Variants in NRG1 observed in about 807,000 individuals in gnomAD.
The protein encoded by NRG1 is pro-neuregulin-1, membrane-bound isoform.
A neutral mutation model predicts 63.8 loss-of-function variants in NRG1; 18 were observed. The ratio of observed to expected loss-of-function variants is 0.28; its 90% CI spans 0.19 to 0.42. The LOEUF is 0.42. NRG1 is among the 10% of genes least tolerant of loss of function. NRG1 has a pLI of 1.00. For missense variants in NRG1, 762 were observed against 814.7 expected (o/e 0.94, Z 0.79); for synonymous variants, 302 against 301.3 (o/e 1.00, Z -0.02).
At chr8:31,989,206 G>A (rs1206726958) in intron 1 of NRG1, among the ~76,000 whole-genome samples, 1 of 114,878 alleles carries the variant, frequency 8.7e-6, no homozygotes, top group African/African-American at 3.4e-5. Flanking sequence ...CGAGATTACT[G>A]TTGATTACTG....
intron 1 of NRG1, among the ~76,000 whole-genome samples, chr8:32,469,528 C>T (rs1486880953): frequency 1.3e-5 from 2 of 152,152 alleles, no homozygotes; most frequent in African/African-American, 4.8e-5. Context: ...CCAGTCACTA[C>T]CCCATCATCT....
At chr8:32,261,240 T>A (rs966084137) in intron 1 of NRG1, among the ~76,000 whole-genome samples, 2 of 152,132 alleles carry the variant, frequency 1.3e-5, no homozygotes, top group African/African-American at 4.8e-5. Flanking sequence ...TCATATTTCA[T>A]CAGTTTTTTC....
At chr8:32,288,669 C>G (rs139161955) in intron 1 of NRG1, among the ~76,000 whole-genome samples, 1 of 152,272 alleles carries the variant, frequency 6.6e-6, no homozygotes, top group Non-Finnish European at 1.5e-5. Context: ...ATACTGTCAC[C>G]ATCCTTGAGC....
At chr8:31,717,576 A>G (rs1812484270) in intron 1 of NRG1, among the ~76,000 whole-genome samples, 1 of 152,108 alleles carries the variant, frequency 6.6e-6, no homozygotes, top group Non-Finnish European at 1.5e-5. Context: ...TGGGACATGC[A>G]TTGTGTTTCT....
chr8:32,745,675 G>GGTGTGT (rs139114923), intron 7 of NRG1, among the ~76,000 whole-genome samples: 6 of 151,296 alleles, frequency 4.0e-5, no homozygotes, highest in Admixed American at 2.0e-4. Flanking sequence ...GTGTGTGGGG[G>GGTGTGT]GTGTGTGTGT....
intron 1 of NRG1, among the ~76,000 whole-genome samples, chr8:31,900,411 A>T (rs1831973612): frequency 6.6e-6 from 1 of 152,232 alleles, no homozygotes; most frequent in Non-Finnish European, 1.5e-5. Flanking sequence ...TTATAAGATA[A>T]GGATGTCCCA....
intron 1 of NRG1, among the ~76,000 whole-genome samples, chr8:31,667,120 A>G (rs576743163): frequency 3.9e-5 from 6 of 152,334 alleles, no homozygotes; most frequent in Admixed American, 2.0e-4. Flanking sequence ...TATCACCTTG[A>G]ATATTCATTG....
At position 31,903,373 on chromosome 8, in the gene NRG1, TCTC is replaced by T. The variant is rs1832255449; in HGVS notation, c.37+263945_37+263947del. Among the ~76,000 whole-genome samples, 3 of 151,674 alleles carry T rather than the reference TCTC, an allele frequency of 2.0e-5. No individual in the cohort carries two copies. In the South Asian group the frequency reaches 6.3e-4, roughly 32 times the overall value. On this transcript the variant is annotated intron_variant, in intron 1 of 10. Coordinates refer to the NRG1 transcript ENST00000519301. ...ATTGTGTTAGCCAGGTTGGTCTTGA[TCTC>T]CTGACCTCGTGATCCTCCTGCCTCG...
chr8:32,641,899 A>C (rs776406270), intron 5 of NRG1, among the ~76,000 whole-genome samples: 1 of 152,196 alleles, frequency 6.6e-6, no homozygotes, highest in Non-Finnish European at 1.5e-5. Context: ...AATGTACAAG[A>C]ACATCACACA....
At chr8:31,787,297 A>C (rs1020092616) in intron 1 of NRG1, among the ~76,000 whole-genome samples, 1 of 152,240 alleles carries the variant, frequency 6.6e-6, no homozygotes, top group Admixed American at 6.5e-5. Flanking sequence ...GATGCATTTC[A>C]TCACTTATTA....
At chr8:32,640,751 A>G (rs1232599819) in intron 5 of NRG1, among the ~76,000 whole-genome samples, 2 of 152,044 alleles carry the variant, frequency 1.3e-5, no homozygotes, top group Non-Finnish European at 1.5e-5. Flanking sequence ...ATCCCATTTT[A>G]TATACTAAAA....
intron 1 of NRG1, among the ~76,000 whole-genome samples, chr8:32,313,739 T>A (rs940835893): frequency 6.6e-6 from 1 of 152,324 alleles, no homozygotes; most frequent in Middle Eastern, 3.4e-3. Flanking sequence ...GGTAAATTAT[T>A]TTTAAAACAT....
intron 1 of NRG1, among the ~76,000 whole-genome samples, chr8:31,824,000 C>T (rs1824258130): frequency 6.6e-6 from 1 of 151,830 alleles, no homozygotes; most frequent in African/African-American, 2.4e-5. Flanking sequence ...AGCAGTTTCT[C>T]TTCTTCTATT....
At position 32,646,986 on chromosome 8, in the gene NRG1, G is replaced by A. The variant is rs1853693238; in HGVS notation, c.502+30101G>A. 4.1e-6 allele frequency: 4 copies of A among 984,884 alleles called. No individual in the cohort carries two copies. The African/African-American group carries it at 5.3e-5, about 13-fold the overall frequency. The allele number at this position is 984,884 out of a possible 1,614,324, so 61.0% of individuals were successfully genotyped here. ...AAAGAGACTGAAGCAGAGAAGAGCC[G>A]CAGAGGAAGAAAGTGAATGAGCACT... On this transcript the variant is annotated intron_variant, in intron 5 of 11. Coordinates refer to ENST00000356819, the Ensembl canonical transcript of NRG1.
rs550551095 is a variant in NRG1 at position 32,261,333 on chromosome 8, C to A, written c.38-334495C>A. On this transcript the variant is annotated intron_variant, in intron 1 of 10. Coordinates refer to the NRG1 transcript ENST00000519301. ...TGATGATTTAAAATGTTTACAAAAA[C>A]AAGACCTCTACCTATGCTCCTATTA... is the stretch of plus-strand genomic sequence containing the variant. Among the ~76,000 whole-genome samples, 5 of 151,100 alleles carry A rather than the reference C, an allele frequency of 3.3e-5. No homozygotes were observed. The South Asian group carries it at 1.0e-3, about 32-fold the overall frequency.
Position 32,114,641 on chromosome 8 carries a change from T to G in NRG1, c.37+475210T>G, listed in dbSNP as rs558189133. ...TTTAGTCCCTTGGCTACTTCTTATC[T>G]ATTTCATCAGGTAAGGAAACTCAAC... On this transcript the variant is annotated intron_variant, in intron 1 of 10. Transcript: ENST00000519301. Among the ~76,000 whole-genome samples, 4 of 152,326 alleles carry G rather than the reference T, an allele frequency of 2.6e-5. No individual in the cohort carries two copies. In the South Asian group the frequency reaches 8.3e-4, roughly 32 times the overall value.
intron 1 of NRG1, among the ~76,000 whole-genome samples, chr8:31,933,284 C>A (rs767083897): frequency 1.3e-5 from 2 of 151,238 alleles, no homozygotes; most frequent in Non-Finnish European, 2.9e-5. Context: ...TTATTATCCT[C>A]GTTTTTTTTT....
intron 1 of NRG1, among the ~76,000 whole-genome samples, chr8:31,954,630 G>A (rs327383): frequency 0.85 from 129,810 of 152,174 alleles, 56,230 homozygotes; most frequent in African/African-American, 0.96. Context: ...TTTGGTGCCT[G>A]TAATTGACAG....
chr8:32,116,045 T>C (rs1316219759), intron 1 of NRG1, among the ~76,000 whole-genome samples: 5 of 152,146 alleles, frequency 3.3e-5, no homozygotes, highest in Non-Finnish European at 7.4e-5. Context: ...TTTAGAGCTT[T>C]AGTGTTGAGA....
Sources: allele counts gnomAD v4.1 joint callset (sites outside exome capture counted in the v4.1 genomes callset), GRCh38; gene constraint gnomAD v4.1.1; transcripts MANE v1.5; gene names NCBI Gene and HGNC (gene_info 2026-07-23, HGNC 2026-07-21).